Variants in SYNPR observed in about 807,000 individuals in gnomAD.
The protein encoded by SYNPR is synaptoporin.
In SYNPR, 23 loss-of-function variants were observed where a neutral mutation model predicts 32.9. That is an observed-to-expected ratio of 0.70 (90% CI 0.50 to 0.99). The LOEUF is 0.99. SYNPR is among the 50% of genes least tolerant of loss of function. SYNPR has a pLI of 0.00. For missense variants in SYNPR, 318 were observed against 349.3 expected (o/e 0.91, Z 0.71); for synonymous variants, 146 against 135.9 (o/e 1.07, Z -0.52).
At chr3:63,490,117 C>T (rs772118553) in intron 3 of SYNPR, among the ~76,000 whole-genome samples, 35 of 152,102 alleles carry the variant, frequency 2.3e-4, no homozygotes, top group Non-Finnish European at 4.4e-4. Flanking sequence ...AATTTGAGTG[C>T]AGACCTGAAA....
chr3:63,254,532 T>C (rs2086365507), intron 2 of SYNPR, among the ~76,000 whole-genome samples: 1 of 152,210 alleles, frequency 6.6e-6, no homozygotes, highest in Non-Finnish European at 1.5e-5. Flanking sequence ...ATTATGTATT[T>C]AGTGAAAATT....
chr3:63,269,230 T>C (rs2086514335), intron 3 of SYNPR, among the ~76,000 whole-genome samples: 2 of 152,352 alleles, frequency 1.3e-5, no homozygotes, highest in South Asian at 4.1e-4. Context: ...GGCTCACGCC[T>C]GTAATTTCAG....
intron 2 of SYNPR, among the ~76,000 whole-genome samples, chr3:63,378,255 T>C (rs532742219): frequency 6.6e-6 from 1 of 152,150 alleles, no homozygotes; most frequent in African/African-American, 2.4e-5. Context: ...ATTTTCTCTC[T>C]TTAAACTCTA....
chr3:63,445,957 C>T (rs1026253643), intron 2 of SYNPR, among the ~76,000 whole-genome samples: 1 of 152,128 alleles, frequency 6.6e-6, no homozygotes, highest in Non-Finnish European at 1.5e-5. Flanking sequence ...GTCTTTGAAA[C>T]TGAAGAATAT....
At chr3:63,269,159 C>G (rs2086513812) in intron 3 of SYNPR, among the ~76,000 whole-genome samples, 1 of 152,164 alleles carries the variant, frequency 6.6e-6, no homozygotes, top group Admixed American at 6.6e-5. Flanking sequence ...TGTGGGAGTT[C>G]AAGTTGAAAC....
At chr3:63,203,784 G>A in the SYNPR span, among the ~76,000 whole-genome samples, 2 of 152,080 alleles carry the variant, frequency 1.3e-5, no homozygotes, top group African/African-American at 4.8e-5. Context: ...ATCACCTGAG[G>A]TCAGGAGTTT....
At chr3:63,518,822 C>T (rs1378895229) in intron 3 of SYNPR, among the ~76,000 whole-genome samples, 1 of 152,130 alleles carries the variant, frequency 6.6e-6, no homozygotes, top group Non-Finnish European at 1.5e-5. Context: ...AATCCCATCA[C>T]TGAGTATATA....
In SYNPR at chr3:63,327,073, T is replaced by C. The variant is rs114712184; in HGVS notation, c.84+48331T>C. Among the ~76,000 whole-genome samples, 945 of 152,156 alleles carry C rather than the reference T, an allele frequency of 6.2e-3. 13 individuals are homozygous for C. Among genetic ancestry groups the C allele is most frequent in the African/African-American group, 0.02 (844 of 41,524 alleles). Reference sequence around the variant, plus strand: ...TTCATTTTGTTAGTGACTAGATATATATTAATTACTAACTATGTAAAAGTT... The same window carrying C: ...TTCATTTTGTTAGTGACTAGATATACATTAATTACTAACTATGTAAAAGTT... On this transcript the variant is annotated intron_variant, in intron 2 of 5. Transcript: ENST00000478300.
intron 2 of SYNPR, among the ~76,000 whole-genome samples, chr3:63,378,022 A>T (rs1470737677): frequency 6.6e-6 from 1 of 151,884 alleles, no homozygotes; most frequent in Admixed American, 6.6e-5. Flanking sequence ...GAGCATAAAA[A>T]CTTTAGAAAG....
At chr3:63,473,178 CT>C (rs1700836656) in intron 2 of SYNPR, among the ~76,000 whole-genome samples, 1 of 152,146 alleles carries the variant, frequency 6.6e-6, no homozygotes, top group Non-Finnish European at 1.5e-5. Context: ...ACCTGGATAA[CT>C]CAGGCCCATT....
intron 2 of SYNPR, among the ~76,000 whole-genome samples, chr3:63,357,017 A>T (rs2087592277): frequency 6.6e-6 from 1 of 152,244 alleles, no homozygotes; most frequent in Non-Finnish European, 1.5e-5. Flanking sequence ...TCACATGAAA[A>T]ATGCTGAATG....
intron 3 of SYNPR, among the ~76,000 whole-genome samples, chr3:63,270,437 C>T (rs964950073): frequency 5.3e-5 from 8 of 152,052 alleles, no homozygotes; most frequent in Non-Finnish European, 1.2e-4. Context: ...TAAATCAAAC[C>T]AAGGGACATA....
Position 63,415,617 on chromosome 3 carries a change from C to T in SYNPR, c.85-65215C>T, listed in dbSNP as rs143834043. 7.4e-4 allele frequency among the ~76,000 whole-genome samples: 112 copies of T among 152,282 alleles called. 1 individual carries two copies. The highest frequency in any genetic ancestry group is 2.2e-3 in the African/African-American group (92 of 41,540). ...CATAGACAATATGTAACCAAATCAA[C>T]GCGGCTGTTTTCCAATAAAAATTCA... On this transcript the variant is annotated intron_variant, in intron 2 of 5. Coordinates refer to ENST00000478300, the MANE Select transcript of SYNPR (RefSeq NM_001130003.2).
chr3:63,477,500 A>G (rs915051210), intron 2 of SYNPR, among the ~76,000 whole-genome samples: 1 of 152,176 alleles, frequency 6.6e-6, no homozygotes, highest in South Asian at 2.1e-4. Flanking sequence ...GCAGGGAGCT[A>G]GAAGAACACT....
At chr3:63,435,261 A>T (rs1700060858) in intron 2 of SYNPR, among the ~76,000 whole-genome samples, 1 of 152,220 alleles carries the variant, frequency 6.6e-6, no homozygotes, top group Admixed American at 6.5e-5. Flanking sequence ...ACTAAACCTT[A>T]TCATTTTCGT....
chr3:63,451,621 T>C (rs1700381624), intron 2 of SYNPR, among the ~76,000 whole-genome samples: 1 of 152,140 alleles, frequency 6.6e-6, no homozygotes, highest in East Asian at 1.9e-4. Context: ...TTACAGGACC[T>C]GGACCTTGCC....
At chr3:63,565,031 A>G (rs891391627) in intron 4 of SYNPR, among the ~76,000 whole-genome samples, 2 of 152,202 alleles carry the variant, frequency 1.3e-5, no homozygotes, top group African/African-American at 4.8e-5. Flanking sequence ...TCATTCAGTT[A>G]GAAAATCAAG....
chr3:63,564,494 C>T (rs953759129), intron 4 of SYNPR, among the ~76,000 whole-genome samples: 15 of 122,508 alleles, frequency 1.2e-4, no homozygotes, highest in African/African-American at 5.3e-4. Flanking sequence ...CGTGCCCAGC[C>T]GGTGTGTGTG....
chr3:63,423,846 T>G (rs1008601953), intron 2 of SYNPR: 1 of 152,252 alleles, frequency 6.6e-6, no homozygotes, highest in Non-Finnish European at 1.5e-5. Context: ...ACATAAAGTT[T>G]CACTTTATTT....
Sources: allele counts gnomAD v4.1 joint callset (sites outside exome capture counted in the v4.1 genomes callset), GRCh38; gene constraint gnomAD v4.1.1; transcripts MANE v1.5; gene names NCBI Gene and HGNC (gene_info 2026-07-23, HGNC 2026-07-21).